The following TBR1 variants were observed in gnomAD, a reference collection of about 807,000 sequenced individuals.
The protein encoded by TBR1 is T-box brain protein 1.
In TBR1, 7 loss-of-function variants were observed where a neutral mutation model predicts 60.3. The ratio of observed to expected loss-of-function variants is 0.12; its 90% confidence interval spans 0.07 to 0.22. TBR1 has a LOEUF of 0.22. TBR1 is among the 10% of genes least tolerant of loss of function. The pLI is 1.00. For synonymous variants in TBR1, 417 were observed against 409.9 expected (o/e 1.02, Z -0.21); for missense variants, 616 against 936.8 (o/e 0.66, Z 4.47).
At chr2:161,418,630 TAGG>T (rs1044244452) in intron 3 of TBR1, 2 of 557,672 alleles carry the variant, frequency 3.6e-6, no homozygotes, top group African/African-American at 2.0e-5. Context: ...ACAGGAGGAC[TAGG>T]AGAAGGGCCC....
Position 161,424,121 on chromosome 2 carries a change from C to G in TBR1, c.1943C>G (p.Ser648Cys). Residue 648 changes from serine (S) to cysteine (C), a missense_variant, in exon 6 of 6, where the codon TCC (serine) becomes TGC (cysteine). Around this residue, in one of 8 missense-constraint regions of TBR1, gnomAD observed 210 missense variants for 297.4 expected, o/e 0.71. Transcript: ENST00000389554. This position sits in a 1 kb window ranked among gnomAD's most constrained non-coding sequence, Gnocchi z 4.4. The part of the protein sequence containing the change: ...RRISPADTPV[S>C]ESSSPLKSEV... ...ATCTCGCCGGCCGACACGCCCGTGT[C>G]CGAGAGTTCGTCCCCGCTCAAGAGC... 1 of 1,612,660 alleles carries G rather than the reference C, an allele frequency of 6.2e-7. No homozygotes were observed. Among genetic ancestry groups the G allele is most frequent in the Non-Finnish European group, 8.5e-7 (1 of 1,179,600 alleles).
At chr2:161,418,173 T>C in intron 2 of TBR1, 28 bp from the exon 3 acceptor site, 1 of 1,603,092 alleles carries the variant, frequency 6.2e-7, no homozygotes, top group Non-Finnish European at 8.5e-7. Flanking sequence ...GCCAGGGGCA[T>C]ATGTAAACAA....
chr2:161,420,415 CTTCTTTTTTTTTT>C (rs1454885196), intron 5 of TBR1, 158 bp downstream of exon 5: 5 of 188,798 alleles, frequency 2.6e-5, no homozygotes, highest in East Asian at 1.4e-4. Context: ...TCTTCTTCCT[CTTCTTTTTTTTTT>C]TTTTTTTTTT....
rs1450338985 is a variant in TBR1, at chr2:161,416,485, A to T, written c.75A>T (p.Pro25=). 1 of 1,614,028 alleles carries T rather than the reference A, an allele frequency of 6.2e-7. No individual in the cohort carries two copies. Residue 25 remains proline, a synonymous_variant, in exon 1 of 6, where the codon CCA becomes CCT. Transcript: ENST00000389554. The surrounding 1 kb of genome is among the most constrained non-coding windows in gnomAD (Gnocchi z 6.1). The stretch of plus-strand genomic sequence containing the variant: ...TTCTCAATGTGAGCAGCAGCTACCC[A>T]CATTCAGGCGGATCCGAGCTTGTCT... ...KKFLNVSSSY[P]HSGGSELVLH...
At chr2:161,418,790 C>T in intron 3 of TBR1, 102 bp from the exon 4 acceptor site, 1 of 1,459,108 alleles carries the variant, frequency 6.9e-7, no homozygotes, top group Non-Finnish European at 9.2e-7. Context: ...GGGCTGCAGG[C>T]TGCCTCCGCC....
chr2:161,416,938 C>T lies in TBR1; in HGVS notation c.528C>T (p.Tyr176=). Residue 176 remains tyrosine (Y), a synonymous_variant, in exon 1 of 6, where the codon TAC becomes TAT. Coordinates refer to ENST00000389554, the MANE Select transcript of TBR1 (RefSeq NM_006593.4). This position sits in a 1 kb window ranked among gnomAD's most constrained non-coding sequence, Gnocchi z 6.1. ...PQGYPTAGYP[Y]PQQYGHSYQG... The stretch of plus-strand genomic sequence containing the variant: ...GATACCCCACGGCCGGCTACCCCTA[C>T]CCACAGCAGTACGGCCACTCCTACC... 6.2e-7 allele frequency: 1 copy of T among 1,614,198 alleles called. No individual in the cohort carries two copies. Among genetic ancestry groups the T allele is most frequent in the South Asian group, 1.1e-5 (1 of 91,086 alleles).
At position 161,420,205 on chromosome 2, in the gene TBR1, C is replaced by T; in HGVS notation, c.1138C>T (p.Leu380=). 6.2e-7 allele frequency: 1 copy of T among 1,613,188 alleles called. No homozygotes were observed. The highest frequency in any genetic ancestry group is 1.7e-5 in the Admixed American group (1 of 59,950). The change falls in exon 5 of 6, where the codon CTG becomes TTG. Residue 380 remains leucine (L), a synonymous_variant. Transcript: ENST00000389554. ...TTTTTTTCTTTGCCAGATTACACAA[C>T]TGAAAATAGATCACAACCCTTTTGC... ...TAYQNTDITQ[L]KIDHNPFAKG...
At position 161,424,556 on chromosome 2, in the gene TBR1, A is replaced by C; in HGVS notation, c.*329A>C. On this transcript the variant is annotated 3_prime_UTR_variant, in exon 6 of 6. Coordinates refer to ENST00000389554, the MANE Select transcript of TBR1 (RefSeq NM_006593.4). The surrounding 1 kb of genome is among the most constrained non-coding windows in gnomAD (Gnocchi z 4.4). ...TCCTACTTCTCTTTCTTGTAATGAAACTCTTCACCTTTAGGAGACCTGGGC... is the reference window on the plus strand; with the variant it reads ...TCCTACTTCTCTTTCTTGTAATGAACCTCTTCACCTTTAGGAGACCTGGGC... 5 of 248,392 alleles carry C rather than the reference A, an allele frequency of 2.0e-5. No homozygotes were observed. Among genetic ancestry groups the C allele is most frequent in the East Asian group, 9.0e-5 (1 of 11,086 alleles). The allele number at this position is 248,392 out of a possible 1,614,324, so 15.4% of individuals were successfully genotyped here. A position where few individuals can be genotyped will look rare whatever the true frequency, so the allele number is the denominator to read the frequency against.
In TBR1 at chr2:161,417,312, G is replaced by GTC; in HGVS notation, c.692+210_692+211insTC. 1.6e-6 allele frequency: 1 copy of GTC among 607,268 alleles called. No homozygotes were observed. Among genetic ancestry groups the GTC allele is most frequent in the Non-Finnish European group, 2.8e-6 (1 of 355,256 alleles). The allele number at this position is 607,268 out of a possible 1,614,324, so 37.6% of individuals were successfully genotyped here. ...ACCCCGTTCTAGGAACATAGTGGGA[G>GTC]AGCCAGTCAGTGGCCAGAGGAAGGC... On this transcript the variant is annotated intron_variant, in intron 1 of 5. Coordinates refer to ENST00000389554, the MANE Select transcript of TBR1 (RefSeq NM_006593.4). This position sits in a 1 kb window ranked among gnomAD's most constrained non-coding sequence, Gnocchi z 5.3.
chr2:161,423,596 C>A lies in TBR1; in HGVS notation c.1418C>A (p.Ala473Asp). ...AACGGGCTGCTGTCGCCGCAGCAGGCCGAGGACCCGGGCGCGCCCTCGCCG... is the reference window on the plus strand; with the variant it reads ...AACGGGCTGCTGTCGCCGCAGCAGGACGAGGACCCGGGCGCGCCCTCGCCG... ...HTNGLLSPQQ[A>D]EDPGAPSPQR... is the part of the protein sequence containing the mutation. Residue 473 changes from alanine to aspartate, a missense_variant, in exon 6 of 6, where the codon GCC (alanine) becomes GAC (aspartate). Transcript: ENST00000389554. The A allele has an allele frequency of 6.5e-7, 1 of 1,535,856 alleles. No individual in the cohort carries two copies. The highest frequency in any genetic ancestry group is 8.7e-7 in the Non-Finnish European group (1 of 1,147,814).
Position 161,417,396 on chromosome 2 carries a change from GC to G in TBR1, c.693-279del. Reference sequence around the variant, plus strand: ...CGATGGGAGGGACGCATCAACACTGGCATGCACGGACAGGTGGAGACGCAGG... The same window carrying G: ...CGATGGGAGGGACGCATCAACACTGGATGCACGGACAGGTGGAGACGCAGG... On this transcript the variant is annotated intron_variant, in intron 1 of 5. Transcript: ENST00000389554. This position sits in a 1 kb window ranked among gnomAD's most constrained non-coding sequence, Gnocchi z 5.3. 1.8e-6 allele frequency: 1 copy of G among 565,482 alleles called. No individual in the cohort carries two copies. 35.0% of individuals were successfully genotyped at this position (565,482 alleles called of 1,614,324 possible). A position where few individuals can be genotyped will look rare whatever the true frequency, so the allele number is the denominator to read the frequency against.
At chr2:161,418,792 G>C (rs529462810) in intron 3 of TBR1, 100 bp from the exon 4 acceptor site, 2 of 1,468,060 alleles carry the variant, frequency 1.4e-6, no homozygotes, top group African/African-American at 2.9e-5. Flanking sequence ...GCTGCAGGCT[G>C]CCTCCGCCGG....
In TBR1 at chr2:161,423,580, C is replaced by T. The variant is rs1279659379; in HGVS notation, c.1402C>T (p.Leu468=). 1.0e-5 allele frequency: 16 copies of T among 1,545,430 alleles called. No homozygotes were observed. Among genetic ancestry groups the T allele is most frequent in the African/African-American group, 1.4e-5 (1 of 70,324 alleles). Residue 468 remains leucine (L), a synonymous_variant, in exon 6 of 6, where the codon CTG becomes TTG. Transcript: ENST00000389554. The part of the protein sequence containing the change: ...DRSVPHTNGL[L]SPQQAEDPGA... ...CAGCGTGCCGCACACCAACGGGCTG[C>T]TGTCGCCGCAGCAGGCCGAGGACCC...
At position 161,416,893 on chromosome 2, in the gene TBR1, G is replaced by A. The variant is rs1336580450; in HGVS notation, c.483G>A (p.Leu161=). ...VITNGAYNSL[L]SNSSPQGYPT... is the part of the protein sequence containing the mutation. ...CCAACGGAGCCTACAACAGCCTCCTGTCCAACTCCTCGCCGCAGGGATACC... is the reference window on the plus strand; with the variant it reads ...CCAACGGAGCCTACAACAGCCTCCTATCCAACTCCTCGCCGCAGGGATACC... The change falls in exon 1 of 6, where the codon CTG becomes CTA. Residue 161 remains leucine (L), a synonymous_variant. Transcript: ENST00000389554. This position sits in a 1 kb window ranked among gnomAD's most constrained non-coding sequence, Gnocchi z 6.1. The A allele has an allele frequency of 6.2e-7, 1 of 1,614,022 alleles. No homozygotes were observed. Among genetic ancestry groups the A allele is most frequent in the South Asian group, 1.1e-5 (1 of 91,064 alleles).
Position 161,416,671 on chromosome 2 carries a change from G to A in TBR1, c.261G>A (p.Leu87=), listed in dbSNP as rs1574148863. The change falls in exon 1 of 6, where the codon TTG becomes TTA. Residue 87 remains leucine, a synonymous_variant. Coordinates refer to ENST00000389554, the MANE Select transcript of TBR1 (RefSeq NM_006593.4). The surrounding 1 kb of genome is among the most constrained non-coding windows in gnomAD (Gnocchi z 6.1). The part of the protein sequence containing the change: ...DVQRSKLSPV[L]DGVSELRHSF... ...AGAGAAGTAAACTCTCTCCTGTCTT[G>A]GACGGGGTCTCTGAGCTTCGTCACA... The A allele has an allele frequency of 6.2e-7, 1 of 1,614,168 alleles. No individual in the cohort carries two copies. The highest frequency in any genetic ancestry group is 8.5e-7 in the Non-Finnish European group (1 of 1,180,022).
rs561416011 is a variant in TBR1 at position 161,423,095 on chromosome 2, A to G, written c.1191-274A>G. 9.2e-5 allele frequency: 32 copies of G among 346,602 alleles called. No homozygotes were observed. The East Asian group carries it at 1.0e-3, about 11-fold the overall frequency. 21.5% of individuals were successfully genotyped at this position (346,602 alleles called of 1,614,324 possible). A position where few individuals can be genotyped will look rare whatever the true frequency, so the allele number is the denominator to read the frequency against. Reference sequence around the variant, plus strand: ...CCAGTACACTTGACGAGAGAGAGCAAGAGAAGAGGGAAGTCGTTCCCTTGA... The same window carrying G: ...CCAGTACACTTGACGAGAGAGAGCAGGAGAAGAGGGAAGTCGTTCCCTTGA... On this transcript the variant is annotated intron_variant, in intron 5 of 5. Coordinates refer to ENST00000389554, the MANE Select transcript of TBR1 (RefSeq NM_006593.4).
intron 4 of TBR1, chr2:161,419,471 C>CT (rs1190549150): frequency 6.1e-5 from 11 of 179,392 alleles, no homozygotes; most frequent in Admixed American, 1.9e-4. Context: ...CTCTCTCTCT[C>CT]TTTTTTTCAT....
intron 5 of TBR1, chr2:161,422,829 G>A (rs1684254045): frequency 6.6e-6 from 1 of 152,170 alleles, no homozygotes; most frequent in Admixed American, 6.5e-5. Flanking sequence ...TTTTTCCTAG[G>A]GGTTTCTGAA....
intron 2 of TBR1, 113 bp from the exon 3 acceptor site, chr2:161,418,088 G>GTGTA (rs1684162031): frequency 6.9e-7 from 1 of 1,443,360 alleles, no homozygotes; most frequent in Non-Finnish European, 9.0e-7. Context: ...GTGGAGTAAG[G>GTGTA]TGTGTGTATG....
Sources: allele counts gnomAD v4.1 joint callset, GRCh38; gene constraint gnomAD v4.1.1; regional missense constraint gnomAD v4.1.1; non-coding constraint Gnocchi (gnomAD v3.1); transcripts MANE v1.5; gene names NCBI Gene and HGNC (gene_info 2026-07-23, HGNC 2026-07-21).